PRSS3: variants seen among roughly 807,000 people sequenced by gnomAD.
PRSS3 encodes trypsin-3.
A neutral mutation model predicts 20.8 loss-of-function variants in PRSS3; 14 were observed. The observed-to-expected ratio is 0.67, with a 90% CI of 0.44 to 1.05. PRSS3 has a LOEUF of 1.05. Among genes scored for constraint, PRSS3 ranks in the 50% least tolerant of loss-of-function variants. The pLI is 0.00. For synonymous variants in PRSS3, 91 were observed against 117.6 expected, an observed-to-expected ratio of 0.77 and a Z score of 1.46; for missense variants, 237 against 306.4, an observed-to-expected ratio of 0.77 and a Z score of 1.69.
intron 1 of PRSS3, among the ~76,000 whole-genome samples, chr9:33,757,605 T>G (rs1651778342): frequency 6.6e-6 from 1 of 152,088 alleles, no homozygotes; most frequent in Non-Finnish European, 1.5e-5. Context: ...AGACCCTGGA[T>G]TTTTTGCTGT....
At chr9:33,771,637 G>T (rs12236837) in intron 1 of PRSS3, among the ~76,000 whole-genome samples, 7,476 of 87,174 alleles carry the variant, frequency 0.086, 451 homozygotes, top group Middle Eastern at 0.1. Context: ...TTGTTTTTTT[G>T]TTTTTTTGTT....
At chr9:33,758,714 A>C (rs1823057266) in intron 1 of PRSS3, among the ~76,000 whole-genome samples, 1 of 152,232 alleles carries the variant, frequency 6.6e-6, no homozygotes, top group Non-Finnish European at 1.5e-5. Flanking sequence ...AGTAGAAATC[A>C]AAGGACTTAC....
chr9:33,772,519 T>G (rs1262021955), intron 1 of PRSS3, among the ~76,000 whole-genome samples: 1 of 152,204 alleles, frequency 6.6e-6, no homozygotes, highest in Admixed American at 6.5e-5. Context: ...TTGCCTGAAT[T>G]TTAATGATAC....
At position 33,779,704 on chromosome 9, in the gene PRSS3, T is replaced by C. The variant is rs570615577; in HGVS notation, c.-52-15042T>C. On this transcript the variant is annotated intron_variant, in intron 1 of 5. Coordinates refer to the PRSS3 transcript ENST00000342836. ...TAACATGGTGAAACCCCGTCTCTAC[T>C]AAAAATATAAAAAAACTAGCCGGGC... is the stretch of plus-strand genomic sequence containing the variant. Among the ~76,000 whole-genome samples, 3 of 151,654 alleles carry C rather than the reference T, an allele frequency of 2.0e-5. No homozygotes were observed. In the South Asian group the frequency reaches 6.3e-4, roughly 32 times the overall value.
Position 33,799,139 on chromosome 9 carries a change from T to C in PRSS3, c.703T>C (p.Tyr235His), listed in dbSNP as rs377009461. 4 of 1,614,154 alleles carry C rather than the reference T, an allele frequency of 2.5e-6. No individual in the cohort carries two copies. In the South Asian group the frequency reaches 3.3e-5, roughly 13 times the overall value. Residue 235 changes from tyrosine to histidine, a missense_variant, in exon 5 of 5, where the codon TAT becomes CAT. Tyr to His is a moderately conservative substitution (Grantham distance 83). Coordinates refer to ENST00000379405, the MANE Select transcript of PRSS3 (RefSeq NM_002771.4). ...TGGAGTCTACACCAAGGTCTACAACTATGTGGACTGGATTAAGGACACCAT... is the reference window on the plus strand; with the variant it reads ...TGGAGTCTACACCAAGGTCTACAACCATGTGGACTGGATTAAGGACACCAT... ...RPGVYTKVYN[Y>H]VDWIKDTIAA...
chr9:33,793,694 T>C (rs912350855), upstream of PRSS3: 23 of 980,372 alleles, frequency 2.3e-5, no homozygotes, highest in South Asian at 1.9e-4. Context: ...CAGTTCACAA[T>C]GATCTCCATG....
intron 1 of PRSS3, among the ~76,000 whole-genome samples, chr9:33,774,100 C>T (rs553637288): frequency 1.0e-3 from 153 of 152,146 alleles, no homozygotes; most frequent in Non-Finnish European, 2.4e-4. Flanking sequence ...AATGCTAAAC[C>T]ACAGCAGGGG....
At chr9:33,777,748 T>G (rs11788673) in intron 1 of PRSS3, among the ~76,000 whole-genome samples, 92 of 150,962 alleles carry the variant, frequency 6.1e-4, no homozygotes, top group Admixed American at 7.9e-4. Context: ...AAGTAAAAAC[T>G]TCATCATTGT....
chr9:33,783,185 C>T (rs1442886176), intron 1 of PRSS3, among the ~76,000 whole-genome samples: 1 of 152,170 alleles, frequency 6.6e-6, no homozygotes, highest in Non-Finnish European at 1.5e-5. Flanking sequence ...GAAATCAGAA[C>T]TCTGGTTGCC....
intron 1 of PRSS3, among the ~76,000 whole-genome samples, chr9:33,766,419 A>G (rs2118854683): frequency 6.6e-6 from 1 of 151,450 alleles, no homozygotes; most frequent in South Asian, 2.1e-4. Context: ...TAAAAATACA[A>G]AAAATTAGCC....
At chr9:33,793,414 A>G (rs1421230883), upstream of PRSS3, among the ~76,000 whole-genome samples, 1 of 152,206 alleles carries the variant, frequency 6.6e-6, no homozygotes, top group Admixed American at 6.5e-5. Flanking sequence ...CATATTATCA[A>G]TGCTCCAAAA....
intron 1 of PRSS3, among the ~76,000 whole-genome samples, chr9:33,787,017 G>T (rs1318168701): frequency 2.6e-5 from 4 of 152,198 alleles, no homozygotes; most frequent in Non-Finnish European, 5.9e-5. Flanking sequence ...GGGATGAGGA[G>T]AGCATCTGCA....
intron 1 of PRSS3, among the ~76,000 whole-genome samples, chr9:33,788,489 A>G (rs1330798297): frequency 1.3e-5 from 2 of 152,218 alleles, no homozygotes; most frequent in Non-Finnish European, 2.9e-5. Context: ...AAAAAGGCAC[A>G]ATTCAATTTC....
At position 33,776,301 on chromosome 9, in the gene PRSS3, G is replaced by C. The variant is rs560056079; in HGVS notation, c.-52-18445G>C. Reference sequence around the variant, plus strand: ...GACCTTCAGACACACATAGGATGATGTTAAATGTCCCCACATACATGTAAT... The same window carrying C: ...GACCTTCAGACACACATAGGATGATCTTAAATGTCCCCACATACATGTAAT... On this transcript the variant is annotated intron_variant, in intron 1 of 5. Coordinates refer to the PRSS3 transcript ENST00000342836. Among the ~76,000 whole-genome samples, 4 of 152,318 alleles carry C rather than the reference G, an allele frequency of 2.6e-5. No homozygotes were observed. The South Asian group carries it at 8.3e-4, about 32-fold the overall frequency.
At chr9:33,788,018 G>A (rs1041276353) in intron 1 of PRSS3, among the ~76,000 whole-genome samples, 6 of 152,156 alleles carry the variant, frequency 3.9e-5, no homozygotes, top group Admixed American at 2.0e-4. Context: ...TGCCACTGGG[G>A]GACCTCAGAG....
chr9:33,777,786 T>G (rs1007251576), intron 1 of PRSS3, among the ~76,000 whole-genome samples: 3 of 150,986 alleles, frequency 2.0e-5, no homozygotes, highest in African/African-American at 7.3e-5. Context: ...ATATATGTAA[T>G]ACAGAATGAC....
chr9:33,790,288 T>C (rs931774800), intron 1 of PRSS3, among the ~76,000 whole-genome samples: 1 of 152,230 alleles, frequency 6.6e-6, no homozygotes, highest in Non-Finnish European at 1.5e-5. Context: ...CCCAACAATA[T>C]TTCATGAATA....
chr9:33,752,473 T>C (rs1563953943), intron 1 of PRSS3, among the ~76,000 whole-genome samples: 1 of 152,236 alleles, frequency 6.6e-6, no homozygotes, highest in Non-Finnish European at 1.5e-5. Flanking sequence ...TGTAAGAGAA[T>C]TAAAGTCACT....
At chr9:33,780,483 A>T (rs562627201) in intron 1 of PRSS3, among the ~76,000 whole-genome samples, 4 of 152,304 alleles carry the variant, frequency 2.6e-5, no homozygotes, top group African/African-American at 9.6e-5. Context: ...GGCACTATAA[A>T]TCAACTATGC....
Sources: allele counts gnomAD v4.1 joint callset (sites outside exome capture counted in the v4.1 genomes callset), GRCh38; gene constraint gnomAD v4.1.1; transcripts MANE v1.5; gene names NCBI Gene and HGNC (gene_info 2026-07-23, HGNC 2026-07-21).